Variants in CEP128 observed in about 807,000 individuals in gnomAD.
CEP128 encodes centrosomal protein 128kDa.
A neutral mutation model predicts 156.7 loss-of-function variants in CEP128; 132 were observed. The ratio of observed to expected loss-of-function variants is 0.84; its 90% confidence interval spans 0.73 to 0.97. The LOEUF (loss-of-function observed/expected upper bound fraction) is 0.97. Ranked by LOEUF, CEP128 falls within the 50% of genes least tolerant of loss-of-function variation. CEP128 has a pLI of 0.00. For synonymous variants in CEP128, 469 were observed against 448.9 expected, an observed-to-expected ratio of 1.04 and a Z score of -0.57; for missense variants, 1,252 against 1,281.9, an observed-to-expected ratio of 0.98 and a Z score of 0.36.
At chr14:80,491,526 C>G (rs1887325539), downstream of CEP128, among the ~76,000 whole-genome samples, 1 of 152,188 alleles carries the variant, frequency 6.6e-6, no homozygotes, top group South Asian at 2.1e-4. Context: ...TAACTAACAG[C>G]TTGGGGTTCA....
intron 24 of CEP128, among the ~76,000 whole-genome samples, chr14:80,498,021 C>A (rs1461665526): frequency 6.6e-6 from 1 of 152,158 alleles, no homozygotes; most frequent in Non-Finnish European, 1.5e-5. Flanking sequence ...ATCTCCTACT[C>A]CTCGTCTGAG....
rs201131732 is a variant in CEP128 at position 80,603,246 on chromosome 14, G to GTA, written c.2807-22825_2807-22824dup. The stretch of plus-strand genomic sequence containing the variant: ...ATGATGAATAGATAAACAAAATGTG[G>GTA]TATTTCCATACTATATTGTATCATT... On this transcript the variant is annotated intron_variant, in intron 19 of 24. Coordinates refer to ENST00000555265, the MANE Select transcript of CEP128 (RefSeq NM_152446.5). Among the ~76,000 whole-genome samples, 669 of 152,230 alleles carry GTA rather than the reference G, an allele frequency of 4.4e-3. 5 individuals carry two copies. The highest frequency in any genetic ancestry group is 0.013 in the African/African-American group (530 of 41,544).
intron 19 of CEP128, among the ~76,000 whole-genome samples, chr14:80,623,198 C>A (rs1160274937): frequency 6.6e-6 from 1 of 151,446 alleles, no homozygotes; most frequent in East Asian, 1.9e-4. Context: ...TCTCAGTAAA[C>A]TGTCGCAAGG....
At chr14:80,659,307 T>C (rs1895300774) in intron 19 of CEP128, among the ~76,000 whole-genome samples, 1 of 152,190 alleles carries the variant, frequency 6.6e-6, no homozygotes, top group Non-Finnish European at 1.5e-5. Flanking sequence ...AATGGCCCTC[T>C]CTGTCTCAAA....
chr14:80,589,182 T>G (rs1267075554), intron 19 of CEP128, among the ~76,000 whole-genome samples: 1 of 151,986 alleles, frequency 6.6e-6, no homozygotes, highest in Admixed American at 6.6e-5. Context: ...AACAGACTCT[T>G]CAAGAGCCTT....
intron 20 of CEP128, among the ~76,000 whole-genome samples, chr14:80,567,819 A>G (rs1890978900): frequency 6.6e-6 from 1 of 152,314 alleles, no homozygotes; most frequent in East Asian, 1.9e-4. Context: ...AATGCAAAGG[A>G]CAACCAGTGC....
At chr14:80,734,605 T>A (rs372020642) in intron 19 of CEP128, among the ~76,000 whole-genome samples, 1 of 151,870 alleles carries the variant, frequency 6.6e-6, no homozygotes, top group East Asian at 1.9e-4. Flanking sequence ...ATCCCAGCAC[T>A]TTGGGAGGCC....
At chr14:80,764,995 C>T (rs1900168911) in intron 16 of CEP128, among the ~76,000 whole-genome samples, 1 of 152,194 alleles carries the variant, frequency 6.6e-6, no homozygotes, top group Non-Finnish European at 1.5e-5. Context: ...TAATTTCATT[C>T]TTTCATTCAT....
chr14:80,811,379 T>C (rs1232347732), intron 13 of CEP128, among the ~76,000 whole-genome samples: 1 of 152,210 alleles, frequency 6.6e-6, no homozygotes, highest in Non-Finnish European at 1.5e-5. Flanking sequence ...ATGGTTGAAC[T>C]AATTTACATT....
chr14:80,908,859 G>T (rs888036007), intron 4 of CEP128, among the ~76,000 whole-genome samples: 7 of 152,168 alleles, frequency 4.6e-5, no homozygotes, highest in African/African-American at 1.7e-4. Context: ...AACTGAAGTG[G>T]TTCAAGGACT....
At chr14:80,511,429 G>A (rs1344135563) in intron 23 of CEP128, among the ~76,000 whole-genome samples, 1 of 151,784 alleles carries the variant, frequency 6.6e-6, no homozygotes, top group Non-Finnish European at 1.5e-5. Flanking sequence ...GATCCTCTCT[G>A]CAGTATCAGG....
Position 80,736,018 on chromosome 14 carries a change from C to A in CEP128, c.2806+7057G>T, listed in dbSNP as rs1898510044. ...TTTGCCATGTAAGGTAACATATTCA[C>A]AGATTCAACCCAGTATCCAACCCTG... On this transcript the variant is annotated intron_variant, in intron 19 of 24. Coordinates refer to ENST00000555265, the MANE Select transcript of CEP128 (RefSeq NM_152446.5). Among the ~76,000 whole-genome samples the A allele has an allele frequency of 2.0e-5, 3 of 152,228 alleles. No individual in the cohort carries two copies. The Middle Eastern group carries it at 0.01, about 518-fold the overall frequency.
chr14:80,559,161 A>T, intron 21 of CEP128, 118 bp downstream of exon 21: 1 of 885,372 alleles, frequency 1.1e-6, no homozygotes, highest in Middle Eastern at 2.2e-4. Context: ...CCCCTTTGAC[A>T]TCTTAGATGT....
At chr14:80,654,169 T>C (rs990805747) in intron 19 of CEP128, among the ~76,000 whole-genome samples, 14 of 152,236 alleles carry the variant, frequency 9.2e-5, no homozygotes, top group Middle Eastern at 3.4e-3. Flanking sequence ...GGGTGTTATA[T>C]AGTCTTGCCA....
At chr14:80,591,841 G>A (rs914555857) in intron 19 of CEP128, among the ~76,000 whole-genome samples, 6 of 152,130 alleles carry the variant, frequency 3.9e-5, no homozygotes, top group African/African-American at 1.2e-4. Flanking sequence ...TAGAACTCAG[G>A]ATTAAGAAAC....
chr14:80,627,018 A>T (rs2140698992), intron 19 of CEP128, among the ~76,000 whole-genome samples: 1 of 152,282 alleles, frequency 6.6e-6, no homozygotes, highest in Middle Eastern at 3.4e-3. Flanking sequence ...CTTTTCTTTT[A>T]TATTCCATAC....
At chr14:80,491,077 G>T (rs1447712656) in intron 6 of CEP128, among the ~76,000 whole-genome samples, 1 of 152,128 alleles carries the variant, frequency 6.6e-6, no homozygotes, top group Non-Finnish European at 1.5e-5. Context: ...AAAAGGATAC[G>T]TATCTTCCTC....
intron 2 of CEP128, among the ~76,000 whole-genome samples, chr14:80,922,380 A>G (rs17111220): frequency 0.064 from 9,756 of 152,260 alleles, 1,033 homozygotes; most frequent in African/African-American, 0.22. Context: ...GGAAACACTT[A>G]TCATGCCTTA....
intron 22 of CEP128, among the ~76,000 whole-genome samples, chr14:80,528,989 A>C (rs550589270): frequency 1.3e-5 from 2 of 152,318 alleles, no homozygotes; most frequent in African/African-American, 4.8e-5. Context: ...AATCACATAG[A>C]GGGCTTTAGA....
Sources: allele counts gnomAD v4.1 joint callset (sites outside exome capture counted in the v4.1 genomes callset), GRCh38; gene constraint gnomAD v4.1.1; transcripts MANE v1.5; gene names NCBI Gene and HGNC (gene_info 2026-07-23, HGNC 2026-07-21).